Variants in KDM7A observed in about 807,000 individuals in gnomAD.
KDM7A encodes the protein lysine demethylase 7A.
KDM7A carries 28 observed loss-of-function variants against 114.8 expected under a neutral mutation model. The observed-to-expected ratio is 0.24, with a 90% CI of 0.18 to 0.33. The LOEUF is 0.33. KDM7A is among the 10% of genes least tolerant of loss of function. The pLI is 1.00. For synonymous variants in KDM7A, 423 were observed against 397.8 expected (o/e 1.06, Z -0.75); for missense variants, 942 against 1,142.5 (o/e 0.82, Z 2.53).
intron 12 of KDM7A, among the ~76,000 whole-genome samples, chr7:140,100,875 C>A (rs925935067): frequency 1.3e-4 from 20 of 151,320 alleles, no homozygotes; most frequent in Admixed American, 2.6e-4. Flanking sequence ...AGTCTCCTGC[C>A]TCAGCCTCCT....
intron 9 of KDM7A, among the ~76,000 whole-genome samples, chr7:140,115,280 C>T (rs2116780217): frequency 6.6e-6 from 1 of 152,372 alleles, no homozygotes; most frequent in East Asian, 1.9e-4. Context: ...AGCCGCCACC[C>T]CGTCTGGGAG....
chr7:140,167,625 A>AT (rs2116856817), intron 1 of KDM7A, among the ~76,000 whole-genome samples: 1 of 152,214 alleles, frequency 6.6e-6, no homozygotes, highest in South Asian at 2.1e-4. Flanking sequence ...ATCCAAATGG[A>AT]TTAGTGATCC....
rs1817979163 is a variant in KDM7A, at chr7:140,089,098, C to T, written c.*1996G>A. 6.6e-6 allele frequency: 1 copy of T among 152,122 alleles called. No homozygotes were observed. Among genetic ancestry groups the T allele is most frequent in the Non-Finnish European group, 1.5e-5 (1 of 68,016 alleles). 9.4% of individuals were successfully genotyped at this position (152,122 alleles called of 1,614,324 possible). A position where few individuals can be genotyped will look rare whatever the true frequency, so the allele number is the denominator to read the frequency against. ...GAAAAGCAAAAATCACAAGAATATA[C>T]TGTGTGGGAAGGTAGGGGAATCAGT... On this transcript the variant is annotated 3_prime_UTR_variant, in exon 20 of 20. Coordinates refer to ENST00000397560, the MANE Select transcript of KDM7A (RefSeq NM_030647.2).
chr7:140,131,113 C>G (rs1818779141), intron 3 of KDM7A, among the ~76,000 whole-genome samples: 1 of 152,012 alleles, frequency 6.6e-6, no homozygotes, highest in Non-Finnish European at 1.5e-5. Context: ...ATGATCCACC[C>G]ACCTCGGCCT....
At chr7:140,123,203 G>C (rs373804289) in intron 7 of KDM7A, among the ~76,000 whole-genome samples, 1 of 152,182 alleles carries the variant, frequency 6.6e-6, no homozygotes, top group Non-Finnish European at 1.5e-5. Flanking sequence ...GTGAGGGTGT[G>C]GAGAAACTGG....
At chr7:140,148,589 T>G (rs1260722826) in intron 1 of KDM7A, among the ~76,000 whole-genome samples, 1 of 152,198 alleles carries the variant, frequency 6.6e-6, no homozygotes, top group Admixed American at 6.5e-5. Context: ...TAAGTTGACA[T>G]TCTTACTAAA....
intron 12 of KDM7A, among the ~76,000 whole-genome samples, chr7:140,100,994 C>T (rs1381012653): frequency 3.3e-5 from 5 of 150,488 alleles, no homozygotes; most frequent in African/African-American, 4.9e-5. Context: ...GTGATCCACC[C>T]GCCTCGGCCT....
At chr7:140,171,955 A>G (rs1794647682) in intron 1 of KDM7A, among the ~76,000 whole-genome samples, 1 of 152,196 alleles carries the variant, frequency 6.6e-6, no homozygotes, top group Admixed American at 6.5e-5. Context: ...TGGGGACAAC[A>G]TGAAAAATGC....
At chr7:140,120,076 T>C (rs535750501) in intron 8 of KDM7A, among the ~76,000 whole-genome samples, 2 of 152,368 alleles carry the variant, frequency 1.3e-5, no homozygotes, top group East Asian at 3.9e-4. Context: ...ATAGCAGTCC[T>C]GACTTACGGT....
chr7:140,100,689 C>CACATATATAT (rs1562945966), intron 12 of KDM7A, among the ~76,000 whole-genome samples: 25 of 53,990 alleles, frequency 4.6e-4, no homozygotes, highest in South Asian at 2.4e-3. Flanking sequence ...TACATATATA[C>CACATATATAT]ATATATATAT....
intron 9 of KDM7A, among the ~76,000 whole-genome samples, chr7:140,117,240 C>T (rs1325786539): frequency 1.3e-5 from 2 of 152,166 alleles, no homozygotes; most frequent in Non-Finnish European, 1.5e-5. Flanking sequence ...AAGTCTTTAA[C>T]GTATGGTCAT....
chr7:140,153,533 A>T (rs2116839276), intron 1 of KDM7A, among the ~76,000 whole-genome samples: 1 of 152,294 alleles, frequency 6.6e-6, no homozygotes, highest in Admixed American at 6.5e-5. Flanking sequence ...AATCATGCCA[A>T]GTGATTTTAA....
intron 11 of KDM7A, among the ~76,000 whole-genome samples, chr7:140,107,336 C>T (rs187804452): frequency 3.9e-5 from 6 of 152,232 alleles, no homozygotes; most frequent in Non-Finnish European, 7.4e-5. Context: ...GCTTATTTTG[C>T]TTGTTAGTTG....
At position 140,126,805 on chromosome 7, in the gene KDM7A, C is replaced by G; in HGVS notation, c.720G>C (p.Glu240Asp). The change falls in exon 6 of 20, where the codon GAG (glutamate) becomes GAC (aspartate). Residue 240 changes from glutamate (E) to aspartate (D), a missense_variant. Physicochemically the swap from Glu to Asp is conservative, Grantham distance 45. Around this residue, in one of 4 missense-constraint regions of KDM7A, gnomAD observed 318 missense variants for 453.1 expected, o/e 0.70. Transcript: ENST00000397560. Reference sequence around the variant, plus strand: ...AAAGTTTTTTGGCTATATCAGGGACCTCCACCAATTCAGACATCCTTTCAA... The same window carrying G: ...AAAGTTTTTTGGCTATATCAGGGACGTCCACCAATTCAGACATCCTTTCAA... ...FSDTKMSELV[E>D]VPDIAKKLSW... 1 of 1,612,990 alleles carries G rather than the reference C, an allele frequency of 6.2e-7. No individual in the cohort carries two copies. The highest frequency in any genetic ancestry group is 8.5e-7 in the Non-Finnish European group (1 of 1,179,398).
intron 14 of KDM7A, among the ~76,000 whole-genome samples, chr7:140,098,043 G>A (rs535596077): frequency 3.9e-5 from 6 of 152,254 alleles, no homozygotes; most frequent in East Asian, 1.9e-4. Flanking sequence ...ACGCATTCAC[G>A]TAGATAGTGA....
intron 10 of KDM7A, among the ~76,000 whole-genome samples, chr7:140,113,127 C>T (rs1289860190): frequency 1.3e-5 from 2 of 152,220 alleles, no homozygotes; most frequent in African/African-American, 2.4e-5. Flanking sequence ...AGACCTCACA[C>T]AGTTGGCATT....
At chr7:140,100,913 A>T (rs1818215961) in intron 12 of KDM7A, among the ~76,000 whole-genome samples, 1 of 150,708 alleles carries the variant, frequency 6.6e-6, no homozygotes, top group African/African-American at 2.4e-5. Flanking sequence ...GGCACCCGCC[A>T]CTGCGCCTGG....
chr7:140,122,135 C>T (rs1051834281), intron 7 of KDM7A, among the ~76,000 whole-genome samples: 11 of 152,296 alleles, frequency 7.2e-5, no homozygotes, highest in African/African-American at 2.6e-4. Context: ...GTACCTACAC[C>T]AGTGCTACTG....
In KDM7A at chr7:140,088,568, T is replaced by A; in HGVS notation, c.*2526A>T. 2.5e-6 allele frequency: 1 copy of A among 398,210 alleles called. No individual in the cohort carries two copies. The allele number at this position is 398,210 out of a possible 1,614,324, so 24.7% of individuals were successfully genotyped here. A position where few individuals can be genotyped will look rare whatever the true frequency, so the allele number is the denominator to read the frequency against. On this transcript the variant is annotated 3_prime_UTR_variant, in exon 20 of 20. Transcript: ENST00000397560. ...ACAAAGTTCAGCCATTTCCATGAGA[T>A]AAAGGGATGCATTATGGCCAGTAAT...
Sources: allele counts gnomAD v4.1 joint callset (sites outside exome capture counted in the v4.1 genomes callset), GRCh38; gene constraint gnomAD v4.1.1; regional missense constraint gnomAD v4.1.1; transcripts MANE v1.5; gene names NCBI Gene and HGNC (gene_info 2026-07-23, HGNC 2026-07-21).